Variants in C9orf153 observed in about 807,000 individuals in gnomAD.
C9orf153 encodes the protein uncharacterized protein C9orf153.
Under a neutral mutation model 9.0 loss-of-function variants are expected in C9orf153, and 10 were observed. That is an observed-to-expected ratio of 1.11 (90% CI 0.69 to 1.89). C9orf153 has a LOEUF of 1.89. C9orf153 is among the 40% of genes most tolerant of loss of function. The probability of loss-of-function intolerance (pLI) is 0.00; values close to 1 mark genes in which losing one functional copy is unlikely to be tolerated. For missense variants in C9orf153, 108 were observed against 111.0 expected (o/e 0.97, Z 0.12); for synonymous variants, 35 against 37.3 (o/e 0.94, Z 0.23).
At chr9:86,223,540 C>A (rs1438877827) in intron 3 of C9orf153, among the ~76,000 whole-genome samples, 2 of 152,144 alleles carry the variant, frequency 1.3e-5, no homozygotes, top group East Asian at 3.9e-4. Context: ...ACTCCACACG[C>A]ATTGCAATCC....
intron 1 of C9orf153, among the ~76,000 whole-genome samples, chr9:86,242,661 C>T (rs1386199081): frequency 6.6e-6 from 1 of 152,124 alleles, no homozygotes; most frequent in African/African-American, 2.4e-5. Flanking sequence ...TGTGAATTCA[C>T]AGAGCATCCT....
At position 86,227,891 on chromosome 9, in the gene C9orf153, C is replaced by T. The variant is rs767050598; in HGVS notation, c.206G>A (p.Gly69Asp). Residue 69 changes from glycine to aspartate, a missense_variant, in exon 3 of 4, where the codon GGC becomes GAC. Physicochemically the swap from Gly to Asp is moderately conservative, Grantham distance 94. Coordinates refer to ENST00000339137, the MANE Select transcript of C9orf153 (RefSeq NM_001276366.4). ...RNLNVMSFTR[G>D]ADVRGDLQPV... is the part of the protein sequence containing the mutation. The stretch of plus-strand genomic sequence containing the variant: ...TTGGAGATCTCCTCTCACATCAGCG[C>T]CCCTGGTGAATGACATGACATTCAG... 6.2e-7 allele frequency: 1 copy of T among 1,613,686 alleles called. No homozygotes were observed. The highest frequency in any genetic ancestry group is 1.1e-5 in the South Asian group (1 of 91,022).
chr9:86,227,295 T>C (rs1488612164), intron 3 of C9orf153: 1 of 1,424,056 alleles, frequency 7.0e-7, no homozygotes. Flanking sequence ...TACAGGCACA[T>C]GCCACCAAGC....
At chr9:86,222,664 CT>C (rs2131169195) in intron 3 of C9orf153, among the ~76,000 whole-genome samples, 1 of 152,284 alleles carries the variant, frequency 6.6e-6, no homozygotes, top group Non-Finnish European at 1.5e-5. Context: ...CCTCTCCCTT[CT>C]CTTCCACCCT....
At chr9:86,241,385 T>A (rs1165333437) in intron 1 of C9orf153, among the ~76,000 whole-genome samples, 1 of 152,146 alleles carries the variant, frequency 6.6e-6, no homozygotes, top group Non-Finnish European at 1.5e-5. Context: ...AGGTGGGGGA[T>A]CCCCATCTAT....
intron 1 of C9orf153, among the ~76,000 whole-genome samples, chr9:86,251,914 T>TACACACACACACACACACACACACACAC (rs34620205): frequency 1.2e-4 from 17 of 140,246 alleles, no homozygotes; most frequent in East Asian, 4.4e-4. Flanking sequence ...TTAGGTAAAC[T>TACACACACACACACACACACACACACAC]ACACACACAC....
At chr9:86,229,500 C>T (rs776646394) in intron 2 of C9orf153, 38 bp downstream of exon 2, 5 of 1,368,984 alleles carry the variant, frequency 3.7e-6, no homozygotes, top group Non-Finnish European at 5.2e-6. Context: ...ATGTAAAGCT[C>T]CCTGTGTACA....
At chr9:86,252,028 TTTTTG>T (rs1043615141) in intron 1 of C9orf153, among the ~76,000 whole-genome samples, 6 of 151,530 alleles carry the variant, frequency 4.0e-5, no homozygotes, top group African/African-American at 1.5e-4. Context: ...TATTTGGTCT[TTTTTG>T]TTTTGTTTTG....
At chr9:86,225,483 G>A (rs1824307881) in intron 3 of C9orf153, among the ~76,000 whole-genome samples, 1 of 147,828 alleles carries the variant, frequency 6.8e-6, no homozygotes, top group South Asian at 2.1e-4. Flanking sequence ...TTTTGAGACG[G>A]AGTCTCACTC....
intron 3 of C9orf153, among the ~76,000 whole-genome samples, chr9:86,224,460 A>G (rs546287132): frequency 6.6e-6 from 1 of 152,280 alleles, no homozygotes; most frequent in Non-Finnish European, 1.5e-5. Context: ...CTGGTGTTCT[A>G]TTGCACAGTA....
At chr9:86,228,352 T>A (rs1824388437) in intron 2 of C9orf153, among the ~76,000 whole-genome samples, 1 of 152,212 alleles carries the variant, frequency 6.6e-6, no homozygotes, top group African/African-American at 2.4e-5. Context: ...ATTCTATGAG[T>A]GACCACGGAG....
chr9:86,251,935 A>ACACACACACACG (rs1825003932), intron 1 of C9orf153, among the ~76,000 whole-genome samples: 1 of 151,174 alleles, frequency 6.6e-6, no homozygotes, highest in African/African-American at 2.5e-5. Context: ...ACACACACAC[A>ACACACACACACG]CACACACGAG....
intron 1 of C9orf153, among the ~76,000 whole-genome samples, chr9:86,256,481 T>C (rs1825125173): frequency 6.6e-6 from 1 of 152,252 alleles, no homozygotes; most frequent in Non-Finnish European, 1.5e-5. Context: ...ATTTGATTAA[T>C]GTCATCTTCG....
intron 1 of C9orf153, among the ~76,000 whole-genome samples, chr9:86,245,038 T>C (rs1180051770): frequency 6.6e-6 from 1 of 152,200 alleles, no homozygotes; most frequent in African/African-American, 2.4e-5. Context: ...GGGATTTTCC[T>C]GCCTCAGTCT....
intron 1 of C9orf153, chr9:86,258,341 CAA>C (rs11379277): frequency 2.0e-4 from 22 of 111,774 alleles, no homozygotes; most frequent in Admixed American, 3.0e-4. Context: ...GACTTTGTCT[CAA>C]AAAAAAAAAA....
chr9:86,250,087 G>A (rs1824962421), intron 1 of C9orf153, among the ~76,000 whole-genome samples: 1 of 152,182 alleles, frequency 6.6e-6, no homozygotes, highest in South Asian at 2.1e-4. Flanking sequence ...CTACAGGCTT[G>A]AAGAATGTAC....
Position 86,229,607 on chromosome 9 carries a change from G to T in C9orf153, c.-4C>A, listed in dbSNP as rs200061837. The T allele has an allele frequency of 1.1e-5, 18 of 1,607,886 alleles. No individual in the cohort carries two copies. The East Asian group carries it at 3.8e-4, about 34-fold the overall frequency. On this transcript the variant is annotated 5_prime_UTR_variant, in exon 2 of 4. Transcript: ENST00000339137. ...TGGTGTCTCCAGTGAGGAACATCGT[G>T]CTGGGATTTTATTCTCTAATTCCTA...
chr9:86,253,629 G>A (rs544798829), intron 1 of C9orf153, among the ~76,000 whole-genome samples: 40 of 152,156 alleles, frequency 2.6e-4, no homozygotes, highest in Non-Finnish European at 5.1e-4. Flanking sequence ...ATCCTGCTCT[G>A]TGTCACTCTG....
At chr9:86,245,484 A>AT (rs1824845517) in intron 1 of C9orf153, among the ~76,000 whole-genome samples, 1 of 152,170 alleles carries the variant, frequency 6.6e-6, no homozygotes, top group Admixed American at 6.5e-5. Flanking sequence ...TAGGACCCTC[A>AT]TATTAGTGAA....
Sources: gnomAD v4.1 joint callset for allele counts (sites outside exome capture counted in the v4.1 genomes callset) on GRCh38, gnomAD v4.1.1 for gene constraint, MANE v1.5 for transcripts, NCBI Gene and HGNC (gene_info 2026-07-23, HGNC 2026-07-21) for gene names.